The following USP3 variants were observed in gnomAD, a reference collection of about 807,000 sequenced individuals.
USP3 encodes the protein ubiquitin specific peptidase 3.
A neutral mutation model predicts 72.3 loss-of-function variants in USP3; 20 were observed. That is an observed-to-expected ratio of 0.28 (90% CI 0.19 to 0.40). The LOEUF (loss-of-function observed/expected upper bound fraction) is 0.40. USP3 is among the 10% of genes least tolerant of loss of function. USP3 has a pLI of 1.00. For missense variants in USP3, 479 were observed against 633.9 expected, an observed-to-expected ratio of 0.76 and a Z score of 2.62; for synonymous variants, 222 against 225.3, an observed-to-expected ratio of 0.99 and a Z score of 0.13.
chr15:63,564,662 A>G (rs556423715), intron 8 of USP3, among the ~76,000 whole-genome samples: 26 of 152,232 alleles, frequency 1.7e-4, no homozygotes, highest in Non-Finnish European at 3.5e-4. Context: ...CTGATGAAGG[A>G]ATAAGGTAAC....
chr15:63,550,504 T>A (rs1330550653), intron 3 of USP3, among the ~76,000 whole-genome samples: 1 of 152,244 alleles, frequency 6.6e-6, no homozygotes, highest in African/African-American at 2.4e-5. Context: ...AATTCAAAAA[T>A]ATCTACAACA....
At chr15:63,571,123 C>A (rs538011364) in intron 9 of USP3, among the ~76,000 whole-genome samples, 5 of 152,228 alleles carry the variant, frequency 3.3e-5, no homozygotes, top group African/African-American at 1.2e-4. Flanking sequence ...CTAGCAGCCC[C>A]CAAGTATACA....
chr15:63,589,121 A>T, intron 14 of USP3, 110 bp downstream of exon 14: 1 of 1,273,808 alleles, frequency 7.9e-7, no homozygotes, highest in South Asian at 1.3e-5. Context: ...GATTCAGATA[A>T]AGTAGGTGAA....
chr15:63,578,371 G>T (rs1025904455), intron 11 of USP3, among the ~76,000 whole-genome samples: 6 of 151,974 alleles, frequency 3.9e-5, no homozygotes, highest in Admixed American at 3.9e-4. Flanking sequence ...TTGGGAGGCC[G>T]AGGCGGGTGG....
chr15:63,527,392 A>C (rs1045595892), intron 1 of USP3, among the ~76,000 whole-genome samples: 1 of 152,330 alleles, frequency 6.6e-6, no homozygotes, highest in African/African-American at 2.4e-5. Flanking sequence ...CTTCTCTCCC[A>C]GTTGAAACAG....
intron 1 of USP3, among the ~76,000 whole-genome samples, chr15:63,511,105 CCTGA>C (rs909764059): frequency 1.3e-5 from 2 of 151,524 alleles, no homozygotes; most frequent in African/African-American, 2.4e-5. Flanking sequence ...AGCATTTAAT[CCTGA>C]CTAATTTAAT....
intron 9 of USP3, among the ~76,000 whole-genome samples, chr15:63,573,615 G>A (rs915105553): frequency 1.3e-5 from 2 of 152,162 alleles, no homozygotes; most frequent in Non-Finnish European, 2.9e-5. Context: ...TCAGATCAAG[G>A]ATGTTCAAAG....
At chr15:63,567,567 C>T (rs899592173) in intron 8 of USP3, among the ~76,000 whole-genome samples, 12 of 151,916 alleles carry the variant, frequency 7.9e-5, no homozygotes, top group East Asian at 1.9e-4. Flanking sequence ...AGGATGGTCT[C>T]GATCTCCTGA....
chr15:63,552,135 C>T (rs1186679927), intron 3 of USP3, among the ~76,000 whole-genome samples: 4 of 152,122 alleles, frequency 2.6e-5, no homozygotes, highest in African/African-American at 2.4e-5. Context: ...ACTTCACTTT[C>T]CAGATAAATG....
intron 11 of USP3, among the ~76,000 whole-genome samples, chr15:63,584,287 T>TG (rs2067017185): frequency 6.6e-6 from 1 of 151,728 alleles, no homozygotes; most frequent in African/African-American, 2.4e-5. Context: ...TTAGTAGAGA[T>TG]GGGGTTTCAC....
chr15:63,575,590 G>A (rs2066850780), intron 11 of USP3, among the ~76,000 whole-genome samples: 1 of 152,144 alleles, frequency 6.6e-6, no homozygotes, highest in Non-Finnish European at 1.5e-5. Context: ...GATGCTCTTA[G>A]TTTGTTCCTT....
In USP3 at chr15:63,592,147, C is replaced by G. The variant is rs1168949068; in HGVS notation, c.*1321C>G. The G allele has an allele frequency of 6.6e-6, 1 of 152,056 alleles. No homozygotes were observed. The highest frequency in any genetic ancestry group is 2.4e-5 in the African/African-American group (1 of 41,392). 9.4% of individuals were successfully genotyped at this position (152,056 alleles called of 1,614,324 possible). A position where few individuals can be genotyped will look rare whatever the true frequency, so the allele number is the denominator to read the frequency against. The stretch of plus-strand genomic sequence containing the variant: ...GGCTAGGGTGGTCTCAACCTCCCTC[C>G]TGACCTCAGGTGATCCGCCTGCCTC... On this transcript the variant is annotated 3_prime_UTR_variant, in exon 15 of 15. Coordinates refer to ENST00000380324, the MANE Select transcript of USP3 (RefSeq NM_006537.4).
At chr15:63,573,940 T>C in intron 9 of USP3, 106 bp from the exon 10 acceptor site, 1 of 620,034 alleles carries the variant, frequency 1.6e-6, no homozygotes, top group Non-Finnish European at 2.5e-6. Context: ...AAATATTCCC[T>C]CAAAGGCAGT....
rs2066089660 is a variant in USP3, at chr15:63,532,388, T to C, written c.92-259T>C. 3.5e-5 allele frequency: 19 copies of C among 549,894 alleles called. No individual in the cohort carries two copies. The South Asian group carries it at 3.7e-4, about 11-fold the overall frequency. The allele number at this position is 549,894 out of a possible 1,614,324, so 34.1% of individuals were successfully genotyped here. ...GAATAAGTAATAAAGGAGACAAGTG[T>C]ATATGTGTTTAACGTGGTTAAGCTA... On this transcript the variant is annotated intron_variant, in intron 1 of 14. Coordinates refer to ENST00000380324, the MANE Select transcript of USP3 (RefSeq NM_006537.4).
rs143906148 is a variant in USP3 at position 63,571,468 on chromosome 15, C to G, written c.908+889C>G. ...CATACTTCTCAAAATGATTGTCCCTCTAGGTCCTAGTAGCTGTGATTCCAA... is the reference window on the plus strand; with the variant it reads ...CATACTTCTCAAAATGATTGTCCCTGTAGGTCCTAGTAGCTGTGATTCCAA... On this transcript the variant is annotated intron_variant, in intron 9 of 14. Coordinates refer to ENST00000380324, the MANE Select transcript of USP3 (RefSeq NM_006537.4). 3.4e-3 allele frequency among the ~76,000 whole-genome samples: 516 copies of G among 152,338 alleles called. 2 individuals carry two copies. The highest frequency in any genetic ancestry group is 4.7e-3 in the Admixed American group (72 of 15,294).
intron 1 of USP3, chr15:63,530,479 A>G (rs1384604434): frequency 3.0e-6 from 1 of 328,464 alleles, no homozygotes; most frequent in Non-Finnish European, 6.0e-6. Flanking sequence ...CACCCGGCTA[A>G]TTTTTGTATT....
chr15:63,557,331 T>C (rs1483885386), intron 5 of USP3, among the ~76,000 whole-genome samples: 1 of 152,074 alleles, frequency 6.6e-6, no homozygotes, highest in Non-Finnish European at 1.5e-5. Context: ...GGCACAATCT[T>C]GGCCCATTGC....
Position 63,504,663 on chromosome 15 carries a change from G to C in USP3, c.-77G>C, listed in dbSNP as rs1249621950. ...CGCCCGGCTAGAAGCGACACCAGACGGAGCCTCCGGAGTTCCTCCGCCCCC... is the reference window on the plus strand; with the variant it reads ...CGCCCGGCTAGAAGCGACACCAGACCGAGCCTCCGGAGTTCCTCCGCCCCC... On this transcript the variant is annotated 5_prime_UTR_variant, in exon 1 of 15. Coordinates refer to ENST00000380324, the MANE Select transcript of USP3 (RefSeq NM_006537.4). 4.7e-6 allele frequency: 6 copies of C among 1,289,054 alleles called. No individual in the cohort carries two copies. The highest frequency in any genetic ancestry group is 2.2e-4 in the Middle Eastern group (1 of 4,448). 79.9% of individuals were successfully genotyped at this position (1,289,054 alleles called of 1,614,324 possible).
intron 9 of USP3, among the ~76,000 whole-genome samples, chr15:63,572,462 C>T (rs1221198803): frequency 6.6e-6 from 1 of 151,794 alleles, no homozygotes; most frequent in Non-Finnish European, 1.5e-5. Flanking sequence ...CTACAGCTCC[C>T]AATCCTTCTT....
Sources: allele counts gnomAD v4.1 joint callset (sites outside exome capture counted in the v4.1 genomes callset), GRCh38; gene constraint gnomAD v4.1.1; transcripts MANE v1.5; gene names NCBI Gene and HGNC (gene_info 2026-07-23, HGNC 2026-07-21).